The following SVEP1 variants were observed in gnomAD, a reference collection of about 807,000 sequenced individuals.
The protein encoded by SVEP1 is sushi, von Willebrand factor type A, EGF and pentraxin domain-containing protein 1.
In SVEP1, 164 loss-of-function variants were observed where a neutral mutation model predicts 367.3. The ratio of observed to expected loss-of-function variants is 0.45; its 90% CI spans 0.39 to 0.51. The LOEUF (loss-of-function observed/expected upper bound fraction) is 0.51, where lower values mean the gene tolerates loss of function less well. SVEP1 is among the 20% of genes least tolerant of loss of function. The pLI, the probability that SVEP1 is intolerant of heterozygous loss-of-function variation, is 0.00. For missense variants in SVEP1, 4,117 were observed against 4,425.3 expected (o/e 0.93, Z 1.98); for synonymous variants, 1,666 against 1,611.6 (o/e 1.03, Z -0.81).
At chr9:110,415,717 A>G (rs899975550) in intron 36 of SVEP1, among the ~76,000 whole-genome samples, 2 of 152,026 alleles carry the variant, frequency 1.3e-5, no homozygotes, top group African/African-American at 4.8e-5. Context: ...CCCTCCCTCT[A>G]TAATACTTGA....
At chr9:110,553,363 A>G (rs1214016069) in intron 1 of SVEP1, among the ~76,000 whole-genome samples, 2 of 152,244 alleles carry the variant, frequency 1.3e-5, no homozygotes, top group Admixed American at 6.5e-5. Flanking sequence ...TGGGGTCACA[A>G]AATGTAAATT....
chr9:110,551,233 A>T (rs1830282570), intron 1 of SVEP1, among the ~76,000 whole-genome samples: 1 of 152,188 alleles, frequency 6.6e-6, no homozygotes, highest in Non-Finnish European at 1.5e-5. Context: ...TAGGGTGCAG[A>T]CTCACTATAA....
At chr9:110,548,721 T>A (rs183511555) in intron 2 of SVEP1, among the ~76,000 whole-genome samples, 19 of 152,264 alleles carry the variant, frequency 1.2e-4, no homozygotes, top group Non-Finnish European at 1.5e-5. Context: ...ATACTTTATT[T>A]CCCATACTCA....
Position 110,481,372 on chromosome 9 carries a change from A to C in SVEP1, c.2235T>G (p.Thr745=). 1.9e-6 allele frequency: 3 copies of C among 1,610,518 alleles called. No homozygotes were observed. The highest frequency in any genetic ancestry group is 2.5e-6 in the Non-Finnish European group (3 of 1,178,292). The change falls in exon 12 of 48, where the codon ACT becomes ACG. Residue 745 remains threonine (T), a synonymous_variant. Coordinates refer to ENST00000374469, the MANE Select transcript of SVEP1 (RefSeq NM_153366.4). ...NGDFICTPDN[T]GVNCTLTCLE... ...AGCAAGTTAATGTACAGTTGACTCC[A>C]GTATTATCTGGAGTGCATATAAAAT...
At chr9:110,578,028 G>A (rs1054457231) in intron 1 of SVEP1, among the ~76,000 whole-genome samples, 2 of 152,064 alleles carry the variant, frequency 1.3e-5, no homozygotes, top group African/African-American at 4.8e-5. Flanking sequence ...ACCCTCCAAG[G>A]GAGAAATGGA....
intron 46 of SVEP1, among the ~76,000 whole-genome samples, chr9:110,370,708 C>G (rs1490659176): frequency 6.6e-6 from 1 of 152,170 alleles, no homozygotes; most frequent in Admixed American, 6.5e-5. Context: ...AACTCTTCAT[C>G]TGCATAAATG....
intron 6 of SVEP1, among the ~76,000 whole-genome samples, chr9:110,502,770 A>AT (rs1829554869): frequency 6.6e-6 from 1 of 152,246 alleles, no homozygotes; most frequent in East Asian, 1.9e-4. Flanking sequence ...ATTGGCCTCA[A>AT]TTAAAACTAA....
At position 110,479,748 on chromosome 9, in the gene SVEP1, A is replaced by C. The variant is rs1297895966; in HGVS notation, c.2374T>G (p.Phe792Val). ...AAGGACTTGAACCCGTGGTTTGCAA[A>C]ACGTTTTTCTAGAAAATGTTGGACA... is the stretch of plus-strand genomic sequence containing the variant. ...TEWPDCAKKR[F>V]ANHGFKSFEM... The change falls in exon 13 of 48, where the codon TTT (phenylalanine) becomes GTT (valine). Residue 792 changes from phenylalanine (F) to valine (V), a missense_variant. Coordinates refer to ENST00000374469, the MANE Select transcript of SVEP1 (RefSeq NM_153366.4). The C allele has an allele frequency of 1.2e-6, 2 of 1,601,720 alleles. No individual in the cohort carries two copies. The highest frequency in any genetic ancestry group is 4.5e-5 in the East Asian group (2 of 44,424).
intron 1 of SVEP1, among the ~76,000 whole-genome samples, chr9:110,560,591 A>C (rs1025743698): frequency 6.6e-6 from 1 of 152,162 alleles, no homozygotes; most frequent in Non-Finnish European, 1.5e-5. Flanking sequence ...GTGAAGTTCC[A>C]GTGGCCCAGT....
chr9:110,375,465 T>TAAAAAAAAAAAGAAAAAAAAA lies in SVEP1; in HGVS notation c.10505-3_10505-2insTTTTTTTTTCTTTTTTTTTTT. 1 of 555,402 alleles carries TAAAAAAAAAAAGAAAAAAAAA rather than the reference T, an allele frequency of 1.8e-6. No homozygotes were observed. The highest frequency in any genetic ancestry group is 2.7e-6 in the Non-Finnish European group (1 of 373,752). 34.4% of individuals were successfully genotyped at this position (555,402 alleles called of 1,614,324 possible). A position where few individuals can be genotyped will look rare whatever the true frequency, so the allele number is the denominator to read the frequency against. ...TCAGACAGGGAAGAATGCAGATTGC[T>TAAAAAAAAAAAGAAAAAAAAA]AAAAAAAAAAAAAAAAAAAAAAAAA... On this transcript the variant is annotated splice_region_variant and splice_polypyrimidine_tract_variant and intron_variant, in intron 45 of 47. Transcript: ENST00000374469.
At position 110,365,877 on chromosome 9, in the gene SVEP1, A is replaced by G. The variant is rs1465954712; in HGVS notation, c.*662T>C. 6.6e-6 allele frequency: 1 copy of G among 152,250 alleles called. No individual in the cohort carries two copies. Among genetic ancestry groups the G allele is most frequent in the East Asian group, 1.9e-4 (1 of 5,204 alleles). 9.4% of individuals were successfully genotyped at this position (152,250 alleles called of 1,614,324 possible). A position where few individuals can be genotyped will look rare whatever the true frequency, so the allele number is the denominator to read the frequency against. On this transcript the variant is annotated 3_prime_UTR_variant, in exon 48 of 48. Coordinates refer to ENST00000374469, the MANE Select transcript of SVEP1 (RefSeq NM_153366.4). ...GTCATTATGCTGTTTCTCCACATCCATGAAGTTAATGCCTACGGCTTTTCA... is the reference window on the plus strand; with the variant it reads ...GTCATTATGCTGTTTCTCCACATCCGTGAAGTTAATGCCTACGGCTTTTCA...
At chr9:110,536,519 T>C (rs1405409631) in intron 3 of SVEP1, among the ~76,000 whole-genome samples, 1 of 151,960 alleles carries the variant, frequency 6.6e-6, no homozygotes, top group African/African-American at 2.4e-5. Context: ...GGAGAAAGTG[T>C]CTATGGCACC....
At position 110,579,332 on chromosome 9, in the gene SVEP1, C is replaced by G. The variant is rs1414124983; in HGVS notation, c.212G>C (p.Arg71Pro). ...VERLGQAFRR[R>P]VRLLRELSER... Reference sequence around the variant, plus strand: ...GCTGAGCTCCCGCAGCAGCCGCACGCGTCGCCGGAACGCCTGGCCCAGCCG... The same window carrying G: ...GCTGAGCTCCCGCAGCAGCCGCACGGGTCGCCGGAACGCCTGGCCCAGCCG... The change falls in exon 1 of 48, where the codon CGC (arginine) becomes CCC (proline). Residue 71 changes from arginine to proline, a missense_variant. Coordinates refer to ENST00000374469, the MANE Select transcript of SVEP1 (RefSeq NM_153366.4). The surrounding 1 kb of genome is among the most constrained non-coding windows in gnomAD (Gnocchi z 5.3). 1 of 1,557,064 alleles carries G rather than the reference C, an allele frequency of 6.4e-7. No homozygotes were observed. Among genetic ancestry groups the G allele is most frequent in the East Asian group, 2.4e-5 (1 of 41,426 alleles).
chr9:110,568,259 G>A (rs1284078949), intron 1 of SVEP1, among the ~76,000 whole-genome samples: 2 of 152,190 alleles, frequency 1.3e-5, no homozygotes, highest in African/African-American at 2.4e-5. Context: ...AGGCACAGGG[G>A]CAAATCAAGG....
At chr9:110,484,458 A>C (rs1272673177) in intron 9 of SVEP1, among the ~76,000 whole-genome samples, 1 of 152,168 alleles carries the variant, frequency 6.6e-6, no homozygotes, top group East Asian at 1.9e-4. Flanking sequence ...AATGTGGTGG[A>C]GTTTTTAGGA....
rs1309872525 is a variant in SVEP1 at position 110,496,802 on chromosome 9, G to C, written c.1800+13C>G. 1.3e-6 allele frequency: 2 copies of C among 1,531,632 alleles called. No individual in the cohort carries two copies. Among genetic ancestry groups the C allele is most frequent in the Non-Finnish European group, 1.8e-6 (2 of 1,129,264 alleles). The allele number at this position is 1,531,632 out of a possible 1,614,324, so 94.9% of individuals were successfully genotyped here. On this transcript the variant is annotated intron_variant, in intron 8 of 47. Transcript: ENST00000374469. ...TCATTTGAAAAGGATGCACATAATTGCACAAACCTTACCTTTTCACCAGAG... is the reference window on the plus strand; with the variant it reads ...TCATTTGAAAAGGATGCACATAATTCCACAAACCTTACCTTTTCACCAGAG...
At chr9:110,475,439 G>C (rs1829084106) in intron 14 of SVEP1, among the ~76,000 whole-genome samples, 1 of 152,182 alleles carries the variant, frequency 6.6e-6, no homozygotes, top group Non-Finnish European at 1.5e-5. Flanking sequence ...CACACAGCTA[G>C]TAGGTAGTGA....
intron 18 of SVEP1, among the ~76,000 whole-genome samples, chr9:110,463,253 T>C (rs1392818367): frequency 6.6e-6 from 1 of 152,076 alleles, no homozygotes; most frequent in Non-Finnish European, 1.5e-5. Flanking sequence ...GTCGAACTTA[T>C]TCTTCTGATA....
At position 110,431,945 on chromosome 9, in the gene SVEP1, G is replaced by A; in HGVS notation, c.5323C>T (p.Pro1775Ser). 2 of 1,613,574 alleles carry A rather than the reference G, an allele frequency of 1.2e-6. No individual in the cohort carries two copies. The highest frequency in any genetic ancestry group is 1.7e-6 in the Non-Finnish European group (2 of 1,179,660). ...CAGTTTTTCCCATCTCCTGTGTACG[G>A]TGGGACACATGAACATATGTAGGAT... ...DGSYICSCVP[P>S]YTGDGKNCAE... Residue 1775 changes from proline to serine, a missense_variant, in exon 32 of 48, where the codon CCG becomes TCG. Physicochemically the swap from Pro to Ser is moderately conservative, Grantham distance 74. Coordinates refer to ENST00000374469, the MANE Select transcript of SVEP1 (RefSeq NM_153366.4).
Sources: allele counts gnomAD v4.1 joint callset (sites outside exome capture counted in the v4.1 genomes callset), GRCh38; gene constraint gnomAD v4.1.1; non-coding constraint Gnocchi (gnomAD v3.1); transcripts MANE v1.5; gene names NCBI Gene and HGNC (gene_info 2026-07-23, HGNC 2026-07-21).